Variants in RBFOX1 observed in about 807,000 individuals in gnomAD.
RBFOX1 encodes the protein RNA binding fox-1 homolog 1.
In RBFOX1, 8 loss-of-function variants were observed where a neutral mutation model predicts 57.7. The ratio of observed to expected loss-of-function variants is 0.14; its 90% CI spans 0.08 to 0.25. RBFOX1 has a LOEUF of 0.25. Ranked by LOEUF, RBFOX1 falls within the 10% of genes least tolerant of loss-of-function variation. The pLI, the probability that RBFOX1 is intolerant of heterozygous loss-of-function variation, is 1.00. For synonymous variants in RBFOX1, 326 were observed against 222.4 expected (o/e 1.47, Z -4.15); for missense variants, 611 against 548.5 (o/e 1.11, Z -1.14).
At chr16:5,535,849 C>T (rs2044671817) in intron 2 of RBFOX1, among the ~76,000 whole-genome samples, 1 of 152,196 alleles carries the variant, frequency 6.6e-6, no homozygotes, top group Non-Finnish European at 1.5e-5. Flanking sequence ...TTCTGAGATA[C>T]TATCTAATTT....
At chr16:6,012,673 G>C (rs577701610) in intron 4 of RBFOX1, among the ~76,000 whole-genome samples, 1 of 152,272 alleles carries the variant, frequency 6.6e-6, no homozygotes, top group African/African-American at 2.4e-5. Flanking sequence ...GCAGCAGTAT[G>C]GTAGTTTTGG....
intron 4 of RBFOX1, among the ~76,000 whole-genome samples, chr16:7,076,830 G>C (rs959362946): frequency 6.6e-6 from 1 of 152,166 alleles, no homozygotes; most frequent in Non-Finnish European, 1.5e-5. Flanking sequence ...GAGCCCTGGG[G>C]ATAATGACAC....
At chr16:7,584,450 G>GTAA (rs1382449966) in intron 6 of RBFOX1, among the ~76,000 whole-genome samples, 1 of 152,082 alleles carries the variant, frequency 6.6e-6, no homozygotes, top group Non-Finnish European at 1.5e-5. Context: ...CTACCACCAT[G>GTAA]ACTGGGTAAT....
rs1234911139 is a variant in RBFOX1, at chr16:6,087,464, C to CT, written c.-127+67478dup. Among the ~76,000 whole-genome samples, 3 of 152,034 alleles carry CT rather than the reference C, an allele frequency of 2.0e-5. 1 individual carries two copies. In the East Asian group the frequency reaches 5.8e-4, roughly 29 times the overall value. ...ATAACTATTGCTAACACTTTCTAGCCTTTTTTCTCTATGTGTATACACATA... is the reference window on the plus strand; with the variant it reads ...ATAACTATTGCTAACACTTTCTAGCCTTTTTTTCTCTATGTGTATACACATA... On this transcript the variant is annotated intron_variant, in intron 1 of 15. Coordinates refer to ENST00000550418, the MANE Select transcript of RBFOX1 (RefSeq NM_018723.4).
intron 3 of RBFOX1, among the ~76,000 whole-genome samples, chr16:6,960,973 CAAAA>C (rs1168858782): frequency 2.8e-5 from 1 of 36,154 alleles, no homozygotes; most frequent in Admixed American, 3.2e-4. Context: ...ACTGAAAATA[CAAAA>C]AAAAAAAAAA....
chr16:6,891,736 C>T (rs1239334605), intron 3 of RBFOX1, among the ~76,000 whole-genome samples: 1 of 152,292 alleles, frequency 6.6e-6, no homozygotes, highest in East Asian at 1.9e-4. Flanking sequence ...ACGCAGCACT[C>T]CATGAAGGTG....
chr16:5,644,891 T>C (rs1049826241), intron 3 of RBFOX1, among the ~76,000 whole-genome samples: 7 of 152,062 alleles, frequency 4.6e-5, no homozygotes, highest in African/African-American at 1.7e-4. Flanking sequence ...TTTTAATTAT[T>C]TGGGGTATAT....
At chr16:7,603,243 A>C (rs2095131843) in intron 9 of RBFOX1, among the ~76,000 whole-genome samples, 1 of 152,238 alleles carries the variant, frequency 6.6e-6, no homozygotes, top group Admixed American at 6.5e-5. Context: ...TCAGAGCCAA[A>C]AAAAAATTTG....
chr16:6,677,617 A>T (rs1484095312), intron 3 of RBFOX1, among the ~76,000 whole-genome samples: 1 of 152,224 alleles, frequency 6.6e-6, no homozygotes, highest in South Asian at 2.1e-4. Context: ...ATCAAAGATA[A>T]AATCTCATTA....
rs114385393 is a variant in RBFOX1, at chr16:6,707,090, C to T, written c.-16+52440C>T. On this transcript the variant is annotated intron_variant, in intron 3 of 15. Coordinates refer to ENST00000550418, the MANE Select transcript of RBFOX1 (RefSeq NM_018723.4). ...TTTGGTATAATCTCTTTCCAGACTT[C>T]CATGCACACACACATTTCTCCCCAT... is the stretch of plus-strand genomic sequence containing the variant. Among the ~76,000 whole-genome samples, 37 of 152,298 alleles carry T rather than the reference C, an allele frequency of 2.4e-4. 1 individual carries two copies. Among genetic ancestry groups the T allele is most frequent in the African/African-American group, 7.9e-4 (33 of 41,566 alleles).
intron 1 of RBFOX1, among the ~76,000 whole-genome samples, chr16:5,455,238 C>T (rs999290469): frequency 6.6e-6 from 1 of 152,006 alleles, no homozygotes; most frequent in Non-Finnish European, 1.5e-5. Context: ...AGTGCCTTCA[C>T]ATGGCCTTTC....
intron 2 of RBFOX1, among the ~76,000 whole-genome samples, chr16:6,350,381 C>T (rs1226522679): frequency 7.3e-6 from 1 of 136,058 alleles, no homozygotes; most frequent in Non-Finnish European, 1.5e-5. Context: ...GCAGAGGTTG[C>T]TGTGAGCCGA....
chr16:7,558,286 C>G (rs972727092), intron 5 of RBFOX1, among the ~76,000 whole-genome samples: 3 of 151,890 alleles, frequency 2.0e-5, no homozygotes, highest in Admixed American at 1.3e-4. Flanking sequence ...CCTGGGAGGT[C>G]GCGGCTGCAG....
At position 7,297,465 on chromosome 16, in the gene RBFOX1, C is replaced by T. The variant is rs184963074; in HGVS notation, c.28-220682C>T. On this transcript the variant is annotated intron_variant, in intron 4 of 15. Transcript: ENST00000550418. ...CTGACATTGTCCCTAAGAAGTTATG[C>T]TGTAAACGGATAAGAGATTCTGGGT... Among the ~76,000 whole-genome samples the T allele has an allele frequency of 5.1e-4, 77 of 152,268 alleles. No individual in the cohort carries two copies. The Middle Eastern group carries it at 0.024, about 47-fold the overall frequency.
intron 4 of RBFOX1, among the ~76,000 whole-genome samples, chr16:7,437,936 C>A (rs1316854710): frequency 6.6e-6 from 1 of 150,604 alleles, no homozygotes; most frequent in Non-Finnish European, 1.5e-5. Context: ...CCGCGATCAT[C>A]AATTTAAATT....
intron 2 of RBFOX1, among the ~76,000 whole-genome samples, chr16:5,506,955 G>A (rs2043400995): frequency 6.6e-6 from 1 of 151,800 alleles, no homozygotes; most frequent in Non-Finnish European, 1.5e-5. Context: ...TGACTCAAAA[G>A]CCCCGTCTCA....
intron 3 of RBFOX1, among the ~76,000 whole-genome samples, chr16:5,618,233 C>T (rs565968975): frequency 1.1e-4 from 17 of 152,120 alleles, no homozygotes; most frequent in Non-Finnish European, 2.2e-4. Context: ...GAATCCTGAC[C>T]TGATGCATAC....
chr16:7,710,200 G>C, intron 15 of RBFOX1: 8 of 1,029,818 alleles, frequency 7.8e-6, no homozygotes, highest in African/African-American at 1.7e-5. Flanking sequence ...AGTAGGTTGA[G>C]ATTTTCATCC....
intron 14 of RBFOX1, among the ~76,000 whole-genome samples, chr16:7,679,749 A>G (rs535418815): frequency 6.6e-6 from 1 of 152,158 alleles, no homozygotes; most frequent in African/African-American, 2.4e-5. Flanking sequence ...TCTTGGTTAA[A>G]TGATCACATG....
Sources: gnomAD v4.1 joint callset for allele counts (sites outside exome capture counted in the v4.1 genomes callset) on GRCh38, gnomAD v4.1.1 for gene constraint, MANE v1.5 for transcripts, NCBI Gene and HGNC (gene_info 2026-07-23, HGNC 2026-07-21) for gene names.